BLM: variants seen among roughly 807,000 people sequenced by gnomAD.
BLM encodes the protein recQ-like DNA helicase BLM.
BLM carries 95 observed loss-of-function variants against 135.3 expected under a neutral mutation model. That is an observed-to-expected ratio of 0.70 (90% CI 0.59 to 0.83). The LOEUF (loss-of-function observed/expected upper bound fraction) is 0.83. BLM is among the 40% of genes least tolerant of loss of function. BLM has a pLI of 0.00. For missense variants in BLM, 1,518 were observed against 1,663.9 expected, an observed-to-expected ratio of 0.91 and a Z score of 1.53; for synonymous variants, 520 against 589.2, an observed-to-expected ratio of 0.88 and a Z score of 1.70.
intron 19 of BLM, 32 bp from the exon 20 acceptor site, chr15:90,809,105 A>AT: frequency 6.2e-7 from 1 of 1,613,604 alleles, no homozygotes; most frequent in Non-Finnish European, 8.5e-7. Flanking sequence ...ATGGGTGATA[A>AT]TTTAAATTCC....
intron 19 of BLM, among the ~76,000 whole-genome samples, chr15:90,805,712 C>T (rs774241356): frequency 4.6e-5 from 7 of 151,720 alleles, no homozygotes; most frequent in Non-Finnish European, 1.0e-4. Context: ...CACTTGAACC[C>T]GCGAGGCAGG....
chr15:90,815,197 G>T lies in BLM; in HGVS notation c.4172G>T (p.Gly1391Val). 6.2e-7 allele frequency: 1 copy of T among 1,614,142 alleles called. No individual in the cohort carries two copies. The highest frequency in any genetic ancestry group is 8.5e-7 in the Non-Finnish European group (1 of 1,180,030). ...TCACATACTTCTCAAGCGACATCAG[G>T]AGCCAATAGCAAATTGGGGATTATG... ...SASHTSQATS[G>V]ANSKLGIMAP... Residue 1391 changes from glycine (G) to valine (V), a missense_variant, in exon 22 of 22, where the codon GGA becomes GTA. Physicochemically the swap from Gly to Val is moderately radical, Grantham distance 109 (BLOSUM62 -3). Transcript: ENST00000355112. This position sits in a 1 kb window ranked among gnomAD's most constrained non-coding sequence, Gnocchi z 4.6.
chr15:90,760,012 A>ACTC (rs1567040342), intron 5 of BLM, 135 bp from the exon 6 acceptor site: 1 of 759,632 alleles, frequency 1.3e-6, no homozygotes, highest in East Asian at 2.8e-5. Flanking sequence ...CTGGTCTTGA[A>ACTC]CTCCTGGACT....
intron 5 of BLM, among the ~76,000 whole-genome samples, chr15:90,756,493 G>A (rs1895824675): frequency 2.0e-5 from 3 of 152,216 alleles, no homozygotes; most frequent in African/African-American, 4.8e-5. Context: ...CATAGAATTA[G>A]CCTCAGAGCT....
At chr15:90,727,621 C>G (rs1894952787) in intron 1 of BLM, among the ~76,000 whole-genome samples, 1 of 152,140 alleles carries the variant, frequency 6.6e-6, no homozygotes, top group Admixed American at 6.6e-5. Flanking sequence ...TTCAGAGTCT[C>G]TAACCAGCTT....
At chr15:90,797,263 C>A (rs113768250) in intron 16 of BLM, among the ~76,000 whole-genome samples, 24,991 of 151,426 alleles carry the variant, frequency 0.17, 2,130 homozygotes, top group Non-Finnish European at 0.19. Context: ...AAAATACAGA[C>A]AAATTAGTCG....
chr15:90,773,049 A>C (rs1896365745), intron 12 of BLM, among the ~76,000 whole-genome samples: 1 of 137,878 alleles, frequency 7.3e-6, no homozygotes, highest in African/African-American at 2.8e-5. Flanking sequence ...GGGAGCCGAG[A>C]TTGCACCACT....
chr15:90,725,963 G>T (rs1482866679), intron 1 of BLM, among the ~76,000 whole-genome samples: 1 of 151,822 alleles, frequency 6.6e-6, no homozygotes, highest in African/African-American at 2.4e-5. Flanking sequence ...TTTTTAAGTG[G>T]ATTTAACATA....
rs1167536118 is a variant in BLM at position 90,775,500 on chromosome 15, T to TTA, written c.2555+5924_2555+5925dup. Reference sequence around the variant, plus strand: ...TTATATATATGTGTGTTTTTATTTTTTATATATATATGTGTGTGTGTGTGT... The same window carrying TTA: ...TTATATATATGTGTGTTTTTATTTTTTATATATATATATGTGTGTGTGTGTGT... On this transcript the variant is annotated intron_variant, in intron 12 of 21. Coordinates refer to ENST00000355112, the MANE Select transcript of BLM (RefSeq NM_000057.4). Among the ~76,000 whole-genome samples the TTA allele has an allele frequency of 9.2e-3, 1,364 of 148,372 alleles. 17 individuals are homozygous for TTA. The highest frequency in any genetic ancestry group is 0.032 in the African/African-American group (1,278 of 39,962).
At chr15:90,736,735 G>A (rs769563869) in intron 1 of BLM, among the ~76,000 whole-genome samples, 9 of 136,884 alleles carry the variant, frequency 6.6e-5, no homozygotes, top group East Asian at 4.4e-4. Context: ...CTTTGCAAAC[G>A]GGTGTAGAGT....
intron 13 of BLM, among the ~76,000 whole-genome samples, chr15:90,783,881 A>G (rs1412226063): frequency 1.3e-5 from 2 of 152,224 alleles, no homozygotes; most frequent in Admixed American, 6.5e-5. Flanking sequence ...ACAGAGCAAG[A>G]CTGTCTCAAA....
intron 1 of BLM, among the ~76,000 whole-genome samples, chr15:90,732,381 A>ATAATATTAT (rs1407838997): frequency 6.6e-6 from 1 of 152,156 alleles, no homozygotes; most frequent in East Asian, 1.9e-4. Context: ...TTAGGTAACA[A>ATAATATTAT]GGAAAACATT....
chr15:90,754,794 A>AT lies in BLM; in HGVS notation c.960-9dup, dbSNP rs758366991. On this transcript the variant is annotated splice_polypyrimidine_tract_variant and intron_variant, in intron 4 of 21. Transcript: ENST00000355112. ...TAGCCTATAGTATGATTGGCTTAAC[A>AT]TTTTTTTTATTTGCAGTACGTTAAA... 10 of 1,610,988 alleles carry AT rather than the reference A, an allele frequency of 6.2e-6. No individual in the cohort carries two copies. In the African/African-American group the frequency reaches 9.4e-5, roughly 15 times the overall value.
intron 10 of BLM, among the ~76,000 whole-genome samples, chr15:90,767,262 A>C (rs1896159750): frequency 6.6e-6 from 1 of 152,190 alleles, no homozygotes; most frequent in Admixed American, 6.5e-5. Context: ...TAAGTACTTC[A>C]CTGTACATTT....
intron 5 of BLM, 170 bp from the exon 6 acceptor site, chr15:90,759,977 A>C: frequency 4.6e-6 from 2 of 431,288 alleles, no homozygotes; most frequent in East Asian, 4.1e-5. Context: ...TTTTTTAGTG[A>C]CAGGGTCTCA....
rs1895960735 is a variant in BLM, at chr15:90,760,864, G to T, written c.1491G>T (p.Gln497His). The change falls in exon 7 of 22, where the codon CAG (glutamine) becomes CAT (histidine). Residue 497 changes from glutamine (Q) to histidine (H), a missense_variant. By Grantham distance (24) the Gln-to-His change is conservative. Coordinates refer to ENST00000355112, the MANE Select transcript of BLM (RefSeq NM_000057.4). ...GGCCTTTATTCAATACCCATTTACA[G>T]AAGTCCTTTGTAAGTAGCAACTGGG... Reference protein sequence around the residue: ...FERPLFNTHLQKSFVSSNWAE... With the variant: ...FERPLFNTHLHKSFVSSNWAE... 6.2e-7 allele frequency: 1 copy of T among 1,613,868 alleles called. No homozygotes were observed. The highest frequency in any genetic ancestry group is 2.2e-5 in the East Asian group (1 of 44,898).
At chr15:90,808,377 C>T (rs1352561090) in intron 19 of BLM, among the ~76,000 whole-genome samples, 1 of 152,204 alleles carries the variant, frequency 6.6e-6, no homozygotes, top group African/African-American at 2.4e-5. Flanking sequence ...AGAGCCAGTG[C>T]ATCAGTCAGT....
chr15:90,750,473 A>G (rs966285942), intron 3 of BLM, among the ~76,000 whole-genome samples: 18 of 152,212 alleles, frequency 1.2e-4, no homozygotes, highest in African/African-American at 4.1e-4. Flanking sequence ...AACTGAGACC[A>G]CTACTAAGTG....
At chr15:90,797,201 G>A (rs1897047663) in intron 16 of BLM, among the ~76,000 whole-genome samples, 1 of 151,942 alleles carries the variant, frequency 6.6e-6, no homozygotes. Context: ...ATCACCTGAG[G>A]TCAGGAGTTA....
Sources: gnomAD v4.1 joint callset for allele counts (sites outside exome capture counted in the v4.1 genomes callset) on GRCh38, gnomAD v4.1.1 for gene constraint, Gnocchi (gnomAD v3.1) non-coding constraint, MANE v1.5 for transcripts, NCBI Gene and HGNC (gene_info 2026-07-23, HGNC 2026-07-21) for gene names.